The following SHISA9 variants were observed in gnomAD, a reference collection of about 807,000 sequenced individuals.
SHISA9 encodes shisa family member 9.
In SHISA9, 13 loss-of-function variants were observed where a neutral mutation model predicts 38.0. That is an observed-to-expected ratio of 0.34 (90% CI 0.22 to 0.54). SHISA9 has a LOEUF of 0.54. Ranked by LOEUF, SHISA9 falls within the 20% of genes least tolerant of loss-of-function variation. The pLI, the probability that SHISA9 is intolerant of heterozygous loss-of-function variation, is 0.91. For synonymous variants in SHISA9, 275 were observed against 242.0 expected, an observed-to-expected ratio of 1.14 and a Z score of -1.27; for missense variants, 538 against 575.8, an observed-to-expected ratio of 0.93 and a Z score of 0.67.
chr16:13,355,815 C>T, the SHISA9 span, among the ~76,000 whole-genome samples: 5 of 152,266 alleles, frequency 3.3e-5, no homozygotes, highest in African/African-American at 4.8e-5. Context: ...CCGAGGCGAT[C>T]GGGCAGTGTC....
intron 2 of SHISA9, among the ~76,000 whole-genome samples, chr16:13,085,606 C>T (rs2073701841): frequency 6.6e-6 from 1 of 152,148 alleles, no homozygotes; most frequent in South Asian, 2.1e-4. Flanking sequence ...AAAAGAAAAT[C>T]TCTGGTGAGA....
At chr16:13,299,123 C>T in the SHISA9 span, among the ~76,000 whole-genome samples, 1 of 152,208 alleles carries the variant, frequency 6.6e-6, no homozygotes, top group African/African-American at 2.4e-5. Context: ...GCTTAGATAT[C>T]CCTCTCCACT....
chr16:13,247,575 T>TTAAA, the SHISA9 span, among the ~76,000 whole-genome samples: 317 of 151,124 alleles, frequency 2.1e-3, 1 homozygote, highest in African/African-American at 5.9e-3. Flanking sequence ...GTTACTGTGG[T>TTAAA]TAAATAAATA....
At chr16:13,103,893 C>T (rs1339242005) in intron 2 of SHISA9, among the ~76,000 whole-genome samples, 1 of 152,154 alleles carries the variant, frequency 6.6e-6, no homozygotes, top group Admixed American at 6.5e-5. Flanking sequence ...ATTTCCAGAG[C>T]ATTGGAAAGA....
chr16:13,103,270 G>A (rs1417174948), intron 2 of SHISA9, among the ~76,000 whole-genome samples: 1 of 152,172 alleles, frequency 6.6e-6, no homozygotes, highest in Non-Finnish European at 1.5e-5. Flanking sequence ...CTCCTGGGGC[G>A]AGCTGAAAGC....
At chr16:13,454,710 A>G in the SHISA9 span, among the ~76,000 whole-genome samples, 1 of 152,212 alleles carries the variant, frequency 6.6e-6, no homozygotes, top group Non-Finnish European at 1.5e-5. Context: ...ATGTGGTGTT[A>G]GGCTTTGGAC....
intron 2 of SHISA9, among the ~76,000 whole-genome samples, chr16:13,012,456 A>C (rs2072690071): frequency 1.3e-5 from 2 of 152,132 alleles, no homozygotes; most frequent in African/African-American, 4.8e-5. Flanking sequence ...AGGTGTAGGA[A>C]GACACCCAAT....
the SHISA9 span, among the ~76,000 whole-genome samples, chr16:13,551,124 GAAAAA>G: frequency 7.5e-6 from 1 of 133,992 alleles, no homozygotes; most frequent in Non-Finnish European, 1.6e-5. Context: ...ACTCCATCTC[GAAAAA>G]AAAAAAAAGA....
In SHISA9 at chr16:13,193,132, T is replaced by C. The variant is rs540728523; in HGVS notation, c.692-10262T>C. On this transcript the variant is annotated intron_variant, in intron 2 of 4. Coordinates refer to ENST00000558583, the MANE Select transcript of SHISA9 (RefSeq NM_001145204.3). The stretch of plus-strand genomic sequence containing the variant: ...TCAATGCTGAACTTCCAGGCTCTTC[T>C]TGATCCATTCTGGGGGCAGCCTAGC... Among the ~76,000 whole-genome samples, 3 of 152,312 alleles carry C rather than the reference T, an allele frequency of 2.0e-5. No homozygotes were observed. The South Asian group carries it at 6.2e-4, about 32-fold the overall frequency.
the SHISA9 span, among the ~76,000 whole-genome samples, chr16:13,348,143 T>A: frequency 3.3e-5 from 5 of 152,196 alleles, no homozygotes; most frequent in African/African-American, 9.7e-5. Flanking sequence ...AATAATAACG[T>A]TAAGACAGGT....
the SHISA9 span, among the ~76,000 whole-genome samples, chr16:13,414,943 T>C: frequency 1.3e-5 from 2 of 152,106 alleles, no homozygotes; most frequent in African/African-American, 2.4e-5. Flanking sequence ...AGGAACAAGA[T>C]TTATAGACAG....
chr16:13,307,158 A>G, the SHISA9 span, among the ~76,000 whole-genome samples: 4 of 152,248 alleles, frequency 2.6e-5, no homozygotes, highest in Non-Finnish European at 5.9e-5. Context: ...GCACAGTTTC[A>G]GTATCTATCA....
rs1204508721 is a variant in SHISA9 at position 13,094,571 on chromosome 16, T to A, written c.692-108823T>A. ...TCTCAAAGTCGGAGGGAAAGCCAAC[T>A]TTAATTCCATTTTGTCTCAGTGTCA... On this transcript the variant is annotated intron_variant, in intron 2 of 4. Transcript: ENST00000558583. 2.0e-5 allele frequency among the ~76,000 whole-genome samples: 3 copies of A among 152,208 alleles called. No homozygotes were observed. The East Asian group carries it at 5.8e-4, about 29-fold the overall frequency.
intron 2 of SHISA9, among the ~76,000 whole-genome samples, chr16:13,191,413 G>A (rs1039531241): frequency 2.0e-5 from 3 of 152,166 alleles, no homozygotes; most frequent in Non-Finnish European, 4.4e-5. Flanking sequence ...CACCTGTTAT[G>A]TTGTCTTGGC....
the SHISA9 span, among the ~76,000 whole-genome samples, chr16:13,544,250 T>C: frequency 6.8e-6 from 1 of 147,846 alleles, no homozygotes; most frequent in African/African-American, 2.5e-5. Context: ...CTAGATATAT[T>C]ATATATAATA....
At chr16:13,013,638 A>G (rs117132763) in intron 2 of SHISA9, among the ~76,000 whole-genome samples, 1,820 of 152,258 alleles carry the variant, frequency 0.012, 12 homozygotes, top group South Asian at 0.024. Context: ...TTCACCCATG[A>G]GGCATCACTG....
At chr16:12,968,533 T>C (rs1231880272) in intron 2 of SHISA9, among the ~76,000 whole-genome samples, 2 of 152,224 alleles carry the variant, frequency 1.3e-5, no homozygotes, top group Non-Finnish European at 2.9e-5. Flanking sequence ...AATGGCTGAA[T>C]GAATAAATAA....
chr16:13,040,538 A>G (rs2073121633), intron 2 of SHISA9, among the ~76,000 whole-genome samples: 1 of 152,118 alleles, frequency 6.6e-6, no homozygotes, highest in Non-Finnish European at 1.5e-5. Context: ...TTACATTCCA[A>G]ATGATCTCAC....
chr16:13,043,558 C>G lies in SHISA9; in HGVS notation c.691+126743C>G, dbSNP rs185501249. Among the ~76,000 whole-genome samples the G allele has an allele frequency of 2.7e-4, 41 of 152,298 alleles. 1 individual carries two copies. In the East Asian group the frequency reaches 7.5e-3, roughly 28 times the overall value. On this transcript the variant is annotated intron_variant, in intron 2 of 4. Coordinates refer to ENST00000558583, the MANE Select transcript of SHISA9 (RefSeq NM_001145204.3). Reference sequence around the variant, plus strand: ...ATATTAATTGCAAAAACCACAATTACTTTTGCACTAACCTAATATGAAGAC... The same window carrying G: ...ATATTAATTGCAAAAACCACAATTAGTTTTGCACTAACCTAATATGAAGAC...
Sources: allele counts gnomAD v4.1 joint callset (sites outside exome capture counted in the v4.1 genomes callset), GRCh38; gene constraint gnomAD v4.1.1; transcripts MANE v1.5; gene names NCBI Gene and HGNC (gene_info 2026-07-23, HGNC 2026-07-21).